Variants in PPARGC1A observed in about 807,000 individuals in gnomAD.
PPARGC1A encodes peroxisome proliferator-activated receptor gamma coactivator 1-alpha.
In PPARGC1A, 25 loss-of-function variants were observed where a neutral mutation model predicts 88.7. The observed-to-expected ratio is 0.28, with a 90% confidence interval of 0.21 to 0.39. The LOEUF (loss-of-function observed/expected upper bound fraction) is 0.39, where lower values mean the gene tolerates loss of function less well. Ranked by LOEUF, PPARGC1A falls within the 10% of genes least tolerant of loss-of-function variation. The probability of loss-of-function intolerance (pLI) is 1.00; values close to 1 mark genes in which losing one functional copy is unlikely to be tolerated. For missense variants in PPARGC1A, 880 were observed against 968.7 expected, an observed-to-expected ratio of 0.91 and a Z score of 1.22; for synonymous variants, 363 against 355.6, an observed-to-expected ratio of 1.02 and a Z score of -0.24.
chr4:24,172,983 C>T, the PPARGC1A span, among the ~76,000 whole-genome samples: 341 of 152,274 alleles, frequency 2.2e-3, no homozygotes, highest in African/African-American at 7.2e-3. Context: ...CTGGATTCAA[C>T]CAACCATTAC....
intron 2 of PPARGC1A, 46 bp downstream of exon 2, chr4:23,884,706 A>C (rs746943195): frequency 1.5e-5 from 23 of 1,561,578 alleles, no homozygotes; most frequent in Non-Finnish European, 2.0e-5. Context: ...AGTCGGGCCC[A>C]AGCCAAACTC....
At chr4:23,896,485 G>A (rs1036393603) in intron 1 of PPARGC1A, among the ~76,000 whole-genome samples, 1 of 152,056 alleles carries the variant, frequency 6.6e-6, no homozygotes, top group Non-Finnish European at 1.5e-5. Flanking sequence ...GCTCCACTTA[G>A]GATGCAAAGC....
the PPARGC1A span, among the ~76,000 whole-genome samples, chr4:23,957,035 C>T: frequency 6.6e-6 from 1 of 152,126 alleles, no homozygotes; most frequent in East Asian, 1.9e-4. Flanking sequence ...AACTCAGGCA[C>T]TCTGACAGCA....
chr4:24,213,750 GGA>G, the PPARGC1A span, among the ~76,000 whole-genome samples: 1 of 152,108 alleles, frequency 6.6e-6, no homozygotes, highest in Non-Finnish European at 1.5e-5. Context: ...TAACACAGAA[GGA>G]GAGAGAAAAA....
At chr4:24,385,028 TAACA>T in the PPARGC1A span, among the ~76,000 whole-genome samples, 40 of 152,082 alleles carry the variant, frequency 2.6e-4, no homozygotes, top group African/African-American at 8.9e-4. Flanking sequence ...ACAGAAATCA[TAACA>T]AACAGTCTCT....
At chr4:24,109,176 T>A in the PPARGC1A span, among the ~76,000 whole-genome samples, 1 of 151,966 alleles carries the variant, frequency 6.6e-6, no homozygotes, top group Non-Finnish European at 1.5e-5. Context: ...AATAATTAAT[T>A]ATTAAAATAT....
chr4:24,072,956 C>T, the PPARGC1A span, among the ~76,000 whole-genome samples: 1 of 152,262 alleles, frequency 6.6e-6, no homozygotes, highest in East Asian at 1.9e-4. Context: ...GGGATTCATA[C>T]ACAGAAAAGA....
the PPARGC1A span, among the ~76,000 whole-genome samples, chr4:24,088,189 A>G: frequency 6.6e-6 from 1 of 151,900 alleles, no homozygotes; most frequent in Admixed American, 6.6e-5. Context: ...ATATACAACA[A>G]ATAAAAGACT....
chr4:23,864,663 G>A (rs1270398645), intron 2 of PPARGC1A, among the ~76,000 whole-genome samples: 1 of 152,198 alleles, frequency 6.6e-6, no homozygotes, highest in Non-Finnish European at 1.5e-5. Context: ...TGACCCCAAG[G>A]CTTGTGGTTT....
the PPARGC1A span, among the ~76,000 whole-genome samples, chr4:24,082,111 C>T: frequency 2.0e-5 from 3 of 152,146 alleles, no homozygotes; most frequent in African/African-American, 4.8e-5. Context: ...AGACAGTCAT[C>T]GGCAGTAATG....
the PPARGC1A span, among the ~76,000 whole-genome samples, chr4:23,963,992 G>C: frequency 6.6e-6 from 1 of 152,180 alleles, no homozygotes; most frequent in Non-Finnish European, 1.5e-5. Context: ...GATCTTTACA[G>C]GGTGAAGCCA....
chr4:23,953,430 T>G, the PPARGC1A span, among the ~76,000 whole-genome samples: 1 of 152,094 alleles, frequency 6.6e-6, no homozygotes, highest in African/African-American at 2.4e-5. Context: ...GAGAAAAACT[T>G]TATTATGGAA....
the PPARGC1A span, among the ~76,000 whole-genome samples, chr4:24,440,666 G>T: frequency 3.2e-4 from 48 of 152,212 alleles, no homozygotes; most frequent in East Asian, 6.6e-3. Context: ...GCTGGGCATG[G>T]TGGCACATGC....
chr4:24,049,235 T>A, the PPARGC1A span, among the ~76,000 whole-genome samples: 2 of 141,118 alleles, frequency 1.4e-5, no homozygotes, highest in African/African-American at 5.3e-5. Flanking sequence ...TACATATATA[T>A]AAATATATAT....
the PPARGC1A span, among the ~76,000 whole-genome samples, chr4:24,177,361 C>G: frequency 1.3e-5 from 2 of 150,360 alleles, no homozygotes; most frequent in African/African-American, 4.9e-5. Context: ...CAAACTATCA[C>G]AAGGACAAAA....
chr4:24,353,373 T>G, the PPARGC1A span, among the ~76,000 whole-genome samples: 2 of 139,254 alleles, frequency 1.4e-5, no homozygotes, highest in Non-Finnish European at 3.1e-5. Context: ...TCCCCCGCCC[T>G]CCCTCTGTGG....
chr4:24,041,533 C>T, the PPARGC1A span, among the ~76,000 whole-genome samples: 2 of 152,150 alleles, frequency 1.3e-5, no homozygotes, highest in Non-Finnish European at 2.9e-5. Context: ...TAAACTCTAA[C>T]CCCATTTGTA....
At chr4:24,133,973 C>T in the PPARGC1A span, among the ~76,000 whole-genome samples, 1 of 152,158 alleles carries the variant, frequency 6.6e-6, no homozygotes, top group Non-Finnish European at 1.5e-5. Context: ...GTTGAGGTTA[C>T]ACAGTCAGGC....
At chr4:23,830,595 A>G (rs1375103807) in intron 3 of PPARGC1A, among the ~76,000 whole-genome samples, 1 of 152,206 alleles carries the variant, frequency 6.6e-6, no homozygotes, top group Non-Finnish European at 1.5e-5. Context: ...GGGCCTCCAT[A>G]TATTTGCATA....
Sources: allele counts gnomAD v4.1 joint callset (sites outside exome capture counted in the v4.1 genomes callset), GRCh38; gene constraint gnomAD v4.1.1; transcripts MANE v1.5; gene names NCBI Gene and HGNC (gene_info 2026-07-23, HGNC 2026-07-21).